SLC4A10: variants seen among roughly 807,000 people sequenced by gnomAD.
SLC4A10 encodes solute carrier family 4 member 10, also known as sodium-driven chloride bicarbonate exchanger.
Under a neutral mutation model 137.7 loss-of-function variants are expected in SLC4A10, and 42 were observed. The ratio of observed to expected loss-of-function variants is 0.30; its 90% confidence interval spans 0.24 to 0.39. The LOEUF is 0.39. Among genes scored for constraint, SLC4A10 ranks in the 10% least tolerant of loss-of-function variants. SLC4A10 has a pLI of 1.00. For missense variants in SLC4A10, 925 were observed against 1,355.0 expected (o/e 0.68, Z 4.98); for synonymous variants, 474 against 464.1 (o/e 1.02, Z -0.27).
intron 15 of SLC4A10, among the ~76,000 whole-genome samples, chr2:161,909,195 C>T (rs944112358): frequency 7.9e-5 from 12 of 151,526 alleles, no homozygotes; most frequent in African/African-American, 2.9e-4. Flanking sequence ...AACAAACCTG[C>T]ACATTGTGTA....
intron 8 of SLC4A10, among the ~76,000 whole-genome samples, chr2:161,875,406 A>T (rs1016758831): frequency 3.3e-5 from 5 of 152,180 alleles, no homozygotes; most frequent in Non-Finnish European, 7.4e-5. Context: ...TGTTAAGAAA[A>T]AAAAGGTCTT....
At chr2:161,872,828 C>T (rs1371709256) in intron 7 of SLC4A10, among the ~76,000 whole-genome samples, 2 of 152,182 alleles carry the variant, frequency 1.3e-5, no homozygotes, top group African/African-American at 4.8e-5. Context: ...ATTCTCAAGC[C>T]TCAGCTTCCC....
intron 1 of SLC4A10, among the ~76,000 whole-genome samples, chr2:161,715,032 A>C (rs1417986720): frequency 6.6e-6 from 1 of 151,912 alleles, no homozygotes; most frequent in Non-Finnish European, 1.5e-5. Flanking sequence ...TGTAAACACA[A>C]TTTTAGTATG....
intron 6 of SLC4A10, among the ~76,000 whole-genome samples, chr2:161,863,408 G>A (rs1402890501): frequency 2.6e-5 from 4 of 152,080 alleles, no homozygotes; most frequent in Admixed American, 6.5e-5. Context: ...GTAATGCAGG[G>A]CTTTGACTTA....
chr2:161,739,891 G>A (rs1367971063), intron 1 of SLC4A10, among the ~76,000 whole-genome samples: 1 of 152,010 alleles, frequency 6.6e-6, no homozygotes, highest in Non-Finnish European at 1.5e-5. Flanking sequence ...ATCCTGGAAG[G>A]GGCTCTTTCA....
intron 3 of SLC4A10, among the ~76,000 whole-genome samples, chr2:161,821,710 T>A (rs980438835): frequency 6.6e-6 from 1 of 152,204 alleles, no homozygotes; most frequent in African/African-American, 2.4e-5. Flanking sequence ...TATTTTAAGG[T>A]GTCTATTTTT....
At chr2:161,647,862 G>T (rs1047078675) in intron 1 of SLC4A10, among the ~76,000 whole-genome samples, 4 of 152,176 alleles carry the variant, frequency 2.6e-5, no homozygotes, top group Admixed American at 2.6e-4. Flanking sequence ...AGAGGAGAAG[G>T]TCCAGTCTCA....
chr2:161,833,583 AGTAGG>A (rs2058574453), intron 3 of SLC4A10, among the ~76,000 whole-genome samples: 1 of 152,226 alleles, frequency 6.6e-6, no homozygotes, highest in Admixed American at 6.5e-5. Flanking sequence ...TTGTATTGAT[AGTAGG>A]GCAGCAGGTA....
rs1398060370 is a variant in SLC4A10, at chr2:161,854,960, G to A, written c.417-10G>A. On this transcript the variant is annotated splice_polypyrimidine_tract_variant and intron_variant, in intron 4 of 26. Coordinates refer to ENST00000446997, the MANE Select transcript of SLC4A10 (RefSeq NM_001178015.2). ...AATATAAACTGTGCTGATAATATTTGTTTGTATAGGTGGTTGAAGTTTGAA... is the reference window on the plus strand; with the variant it reads ...AATATAAACTGTGCTGATAATATTTATTTGTATAGGTGGTTGAAGTTTGAA... 1.6e-5 allele frequency: 25 copies of A among 1,608,418 alleles called. No individual in the cohort carries two copies. Among genetic ancestry groups the A allele is most frequent in the Non-Finnish European group, 2.1e-5 (25 of 1,177,468 alleles).
chr2:161,954,191 C>T (rs2105845608), intron 19 of SLC4A10, among the ~76,000 whole-genome samples: 1 of 152,018 alleles, frequency 6.6e-6, no homozygotes, highest in South Asian at 2.1e-4. Flanking sequence ...TCTTTTTTGC[C>T]CTCTTTGTCA....
chr2:161,737,856 A>G (rs1277744742), intron 1 of SLC4A10, among the ~76,000 whole-genome samples: 1 of 152,132 alleles, frequency 6.6e-6, no homozygotes, highest in Non-Finnish European at 1.5e-5. Flanking sequence ...TTCCCCACCT[A>G]AACATGCAAG....
intron 15 of SLC4A10, among the ~76,000 whole-genome samples, chr2:161,915,336 A>G (rs1023543897): frequency 6.6e-6 from 1 of 152,178 alleles, no homozygotes; most frequent in Non-Finnish European, 1.5e-5. Flanking sequence ...CAATTTGTCC[A>G]TGTGACCTCA....
chr2:161,693,621 T>C (rs1395486188), intron 1 of SLC4A10, among the ~76,000 whole-genome samples: 1 of 151,198 alleles, frequency 6.6e-6, no homozygotes, highest in African/African-American at 2.4e-5. Context: ...TTCCCCACCC[T>C]TCAGCCTCTG....
chr2:161,890,084 G>A (rs757522065), intron 10 of SLC4A10, among the ~76,000 whole-genome samples: 30 of 152,118 alleles, frequency 2.0e-4, no homozygotes, highest in Admixed American at 1.2e-3. Flanking sequence ...CAGTTTCCAC[G>A]TAGTTGTGTG....
At chr2:161,634,576 A>G (rs994989436) in intron 1 of SLC4A10, among the ~76,000 whole-genome samples, 4 of 151,970 alleles carry the variant, frequency 2.6e-5, no homozygotes. Flanking sequence ...TTTTTAATAG[A>G]CACATAATAA....
At chr2:161,788,959 C>T (rs970145568) in intron 2 of SLC4A10, among the ~76,000 whole-genome samples, 1 of 152,184 alleles carries the variant, frequency 6.6e-6, no homozygotes, top group Non-Finnish European at 1.5e-5. Flanking sequence ...TTCCATGGAA[C>T]CTGCAGCTCC....
At chr2:161,906,899 CA>C (rs1227337739) in intron 15 of SLC4A10, among the ~76,000 whole-genome samples, 1 of 151,400 alleles carries the variant, frequency 6.6e-6, no homozygotes, top group African/African-American at 2.4e-5. Context: ...CTAAAAAACA[CA>C]AAAAAATTAG....
chr2:161,800,547 A>G (rs1473333953), intron 2 of SLC4A10, among the ~76,000 whole-genome samples: 1 of 152,054 alleles, frequency 6.6e-6, no homozygotes, highest in African/African-American at 2.4e-5. Flanking sequence ...ATTATTGCCA[A>G]TGAAAAGCCT....
At chr2:161,751,746 A>C (rs1016307637) in intron 1 of SLC4A10, among the ~76,000 whole-genome samples, 37 of 151,946 alleles carry the variant, frequency 2.4e-4, no homozygotes, top group African/African-American at 8.4e-4. Context: ...GATTCTGTAG[A>C]AAAATGTCGT....
Sources: gnomAD v4.1 joint callset for allele counts (sites outside exome capture counted in the v4.1 genomes callset) on GRCh38, gnomAD v4.1.1 for gene constraint, MANE v1.5 for transcripts, NCBI Gene and HGNC (gene_info 2026-07-23, HGNC 2026-07-21) for gene names.